The following NDC1 variants were observed in gnomAD, a reference collection of about 807,000 sequenced individuals.
NDC1 encodes the protein nucleoporin NDC1.
A neutral mutation model predicts 89.8 loss-of-function variants in NDC1; 24 were observed. The ratio of observed to expected loss-of-function variants is 0.27; its 90% CI spans 0.19 to 0.38. The LOEUF (loss-of-function observed/expected upper bound fraction) is 0.38. NDC1 is among the 10% of genes least tolerant of loss of function. The pLI is 1.00. For missense variants in NDC1, 728 were observed against 797.6 expected, an observed-to-expected ratio of 0.91 and a Z score of 1.05; for synonymous variants, 296 against 284.8, an observed-to-expected ratio of 1.04 and a Z score of -0.39.
chr1:53,791,974 G>C (rs537028529), intron 14 of NDC1, among the ~76,000 whole-genome samples: 1 of 148,948 alleles, frequency 6.7e-6, no homozygotes. Flanking sequence ...ACGGCGTCTC[G>C]CTCTTTCACC....
In NDC1 at chr1:53,796,747, C is replaced by T. The variant is rs757570881; in HGVS notation, c.1526G>A (p.Gly509Asp). 6.2e-7 allele frequency: 1 copy of T among 1,611,874 alleles called. No homozygotes were observed. The highest frequency in any genetic ancestry group is 1.1e-5 in the South Asian group (1 of 90,714). Residue 509 changes from glycine to aspartate, a missense_variant, in exon 13 of 18, where the codon GGT becomes GAT. Physicochemically the swap from Gly to Asp is moderately conservative, Grantham distance 94. Transcript: ENST00000371429. ...CACACTGGGTTGTCTCATTGTCTTA[C>T]CCTCAGCACTAATAGAGGTAGATGG... is the stretch of plus-strand genomic sequence containing the variant. ...PSPSTSISAEGKTMRQPSVIY... is the reference protein window; with the variant it reads ...PSPSTSISAEDKTMRQPSVIY...
chr1:53,824,584 T>C (rs1269642813), intron 5 of NDC1, among the ~76,000 whole-genome samples: 1 of 152,150 alleles, frequency 6.6e-6, no homozygotes, highest in Admixed American at 6.5e-5. Flanking sequence ...AGTAATAGAA[T>C]TGTGCGAATG....
At position 53,838,067 on chromosome 1, in the gene NDC1, C is replaced by T; in HGVS notation, c.57+138G>A. 3.9e-6 allele frequency: 3 copies of T among 760,454 alleles called. No individual in the cohort carries two copies. In the South Asian group the frequency reaches 5.2e-5, roughly 13 times the overall value. The allele number at this position is 760,454 out of a possible 1,614,324, so 47.1% of individuals were successfully genotyped here. On this transcript the variant is annotated intron_variant, in intron 1 of 17. Transcript: ENST00000371429. ...TTCCCACAACCCTGCAATCAGTCCCCCAAGTGGTGCCTTCCCCACGCGTTC... is the reference window on the plus strand; with the variant it reads ...TTCCCACAACCCTGCAATCAGTCCCTCAAGTGGTGCCTTCCCCACGCGTTC...
chr1:53,806,349 T>C lies in NDC1; in HGVS notation c.984+76A>G, dbSNP rs1308553962. On this transcript the variant is annotated intron_variant, in intron 9 of 17. Transcript: ENST00000371429. ...TAGGCCCTCAAAAAATACAACTACT[T>C]AAATATACTAAATATTAAGTGTATT... 10 of 970,272 alleles carry C rather than the reference T, an allele frequency of 1.0e-5. No homozygotes were observed. In the African/African-American group the frequency reaches 1.0e-4, roughly 10 times the overall value. 60.1% of individuals were successfully genotyped at this position (970,272 alleles called of 1,614,324 possible).
intron 16 of NDC1, among the ~76,000 whole-genome samples, chr1:53,775,027 A>G (rs1333941982): frequency 6.6e-6 from 1 of 152,236 alleles, no homozygotes; most frequent in African/African-American, 2.4e-5. Context: ...GAATGCAACT[A>G]GCTGTTCACC....
intron 6 of NDC1, 33 bp downstream of exon 6, chr1:53,818,938 T>C (rs1648566974): frequency 1.0e-6 from 1 of 958,504 alleles, no homozygotes; most frequent in Non-Finnish European, 1.6e-6. Flanking sequence ...TATGAGATAA[T>C]ATATCACTGT....
intron 5 of NDC1, among the ~76,000 whole-genome samples, chr1:53,820,348 G>A (rs572917570): frequency 1.1e-4 from 16 of 152,104 alleles, no homozygotes; most frequent in African/African-American, 3.9e-4. Flanking sequence ...CCACAGGTTG[G>A]ACAAGCTTGA....
intron 13 of NDC1, among the ~76,000 whole-genome samples, chr1:53,796,192 A>C (rs1647690704): frequency 6.6e-6 from 1 of 152,166 alleles, no homozygotes; most frequent in Non-Finnish European, 1.5e-5. Flanking sequence ...GACTTATATC[A>C]AATTTCTTCC....
intron 1 of NDC1, among the ~76,000 whole-genome samples, chr1:53,837,300 C>T (rs1649266847): frequency 6.6e-6 from 1 of 152,186 alleles, no homozygotes; most frequent in Non-Finnish European, 1.5e-5. Flanking sequence ...AGGCCAGGCA[C>T]GGTGGCTCAC....
chr1:53,793,308 C>T, intron 13 of NDC1, 29 bp from the exon 14 acceptor site: 7 of 1,535,896 alleles, frequency 4.6e-6, no homozygotes, highest in Non-Finnish European at 6.3e-6. Context: ...AGAATTAACA[C>T]ATTTACCTTT....
intron 4 of NDC1, among the ~76,000 whole-genome samples, chr1:53,826,878 G>A (rs1648881108): frequency 6.6e-6 from 1 of 152,154 alleles, no homozygotes; most frequent in Admixed American, 6.5e-5. Context: ...GATTCTGACT[G>A]TGAAATCATC....
In NDC1 at chr1:53,800,868, G is replaced by A; in HGVS notation, c.1067-20C>T. The A allele has an allele frequency of 6.5e-7, 1 of 1,548,770 alleles. No homozygotes were observed. Among genetic ancestry groups the A allele is most frequent in the Non-Finnish European group, 8.7e-7 (1 of 1,151,988 alleles). On this transcript the variant is annotated intron_variant, in intron 10 of 17. Coordinates refer to ENST00000371429, the MANE Select transcript of NDC1 (RefSeq NM_018087.5). ...GTCCACCTAGGAGGTCCAAACACCA[G>A]CTTTTAAAATGTAAATAATCTTACA...
chr1:53,832,122 C>T (rs2100696000), intron 3 of NDC1, among the ~76,000 whole-genome samples: 1 of 152,154 alleles, frequency 6.6e-6, no homozygotes, highest in Non-Finnish European at 1.5e-5. Flanking sequence ...TGTTGTATAA[C>T]CACTACCACC....
In NDC1 at chr1:53,828,187, A is replaced by C; in HGVS notation, c.281-14T>G. ...TAGAAGGCACAACTGCAAAGGAAAC[A>C]CATTACTGTGGCTTTATAACCTACA... is the stretch of plus-strand genomic sequence containing the variant. On this transcript the variant is annotated splice_polypyrimidine_tract_variant and intron_variant, in intron 3 of 17. Coordinates refer to ENST00000371429, the MANE Select transcript of NDC1 (RefSeq NM_018087.5). 3 of 1,612,744 alleles carry C rather than the reference A, an allele frequency of 1.9e-6. No homozygotes were observed. Among genetic ancestry groups the C allele is most frequent in the Non-Finnish European group, 2.5e-6 (3 of 1,179,024 alleles).
intron 14 of NDC1, among the ~76,000 whole-genome samples, chr1:53,791,537 T>A (rs1418692923): frequency 1.3e-5 from 2 of 152,146 alleles, no homozygotes; most frequent in East Asian, 3.8e-4. Flanking sequence ...CACCATGGAA[T>A]AGTGTGGAAC....
At chr1:53,815,587 GGAAGTCCTA>G (rs1310592598) in intron 6 of NDC1, among the ~76,000 whole-genome samples, 1 of 152,164 alleles carries the variant, frequency 6.6e-6, no homozygotes, top group African/African-American at 2.4e-5. Context: ...ACATAGTACT[GGAAGTCCTA>G]GCTAGAGCAA....
At chr1:53,784,251 G>GCACA (rs770460837) in intron 16 of NDC1, among the ~76,000 whole-genome samples, 50 of 116,206 alleles carry the variant, frequency 4.3e-4, no homozygotes, top group Non-Finnish European at 9.2e-4. Context: ...ACACACACAC[G>GCACA]CACACACTAT....
At chr1:53,772,727 A>ATAACG (rs1318013514) in intron 16 of NDC1, among the ~76,000 whole-genome samples, 11 of 151,706 alleles carry the variant, frequency 7.3e-5, no homozygotes, top group African/African-American at 2.4e-4. Flanking sequence ...ATAACAAAAC[A>ATAACG]AAACAAACAT....
intron 9 of NDC1, 56 bp downstream of exon 9, chr1:53,806,369 T>A: frequency 1.8e-6 from 2 of 1,090,750 alleles, no homozygotes; most frequent in Non-Finnish European, 2.6e-6. Context: ...AAATATTAAG[T>A]GTATTGAATA....
Sources: allele counts gnomAD v4.1 joint callset (sites outside exome capture counted in the v4.1 genomes callset), GRCh38; gene constraint gnomAD v4.1.1; transcripts MANE v1.5; gene names NCBI Gene and HGNC (gene_info 2026-07-23, HGNC 2026-07-21).